The following SH3BP4 variants were observed in gnomAD, a reference collection of about 807,000 sequenced individuals.
SH3BP4 encodes the protein SH3 domain-binding protein 4.
SH3BP4 carries 33 observed loss-of-function variants against 65.5 expected under a neutral mutation model. That is an observed-to-expected ratio of 0.50 (90% CI 0.38 to 0.67). SH3BP4 has a LOEUF of 0.67. SH3BP4 is among the 30% of genes least tolerant of loss of function. The pLI is 0.00. For synonymous variants in SH3BP4, 552 were observed against 545.5 expected (o/e 1.01, Z -0.17); for missense variants, 1,134 against 1,261.4 (o/e 0.90, Z 1.53).
At chr2:235,038,323 A>ATATAC (rs1408951336) in intron 3 of SH3BP4, among the ~76,000 whole-genome samples, 107 of 5,652 alleles carry the variant, frequency 0.019, 5 homozygotes, top group African/African-American at 0.06. Context: ...TATATATTAT[A>ATATAC]TATATATTAT....
Position 235,055,081 on chromosome 2 carries a change from G to A in SH3BP4, c.*1265G>A, listed in dbSNP as rs1452166063. On this transcript the variant is annotated 3_prime_UTR_variant, in exon 6 of 6. Transcript: ENST00000392011. ...GTTGCATTAATAACTTTAGGGTGCA[G>A]ACATGCTGTGTGAATCTCACAATGC... is the stretch of plus-strand genomic sequence containing the variant. 6.6e-6 allele frequency: 1 copy of A among 152,218 alleles called. No individual in the cohort carries two copies. Among genetic ancestry groups the A allele is most frequent in the Non-Finnish European group, 1.5e-5 (1 of 68,042 alleles). 9.4% of individuals were successfully genotyped at this position (152,218 alleles called of 1,614,324 possible).
At position 235,042,936 on chromosome 2, in the gene SH3BP4, G is replaced by A. The variant is rs139990771; in HGVS notation, c.2167G>A (p.Gly723Ser). The A allele has an allele frequency of 3.1e-5, 50 of 1,612,954 alleles. No individual in the cohort carries two copies. The highest frequency in any genetic ancestry group is 8.0e-5 in the African/African-American group (6 of 74,934). The change falls in exon 4 of 6, where the codon GGC becomes AGC. Residue 723 changes from glycine (G) to serine (S), a missense_variant. Physicochemically the swap from Gly to Ser is moderately conservative, Grantham distance 56. Transcript: ENST00000392011. This position sits in a 1 kb window ranked among gnomAD's most constrained non-coding sequence, Gnocchi z 7.3. ...LVHTKNVLVV[G>S]RARPSLCSGP... ...GCACACCAAGAACGTGCTGGTGGTCGGCAGGGCCCGGCCCAGCCTGTGCTC... is the reference window on the plus strand; with the variant it reads ...GCACACCAAGAACGTGCTGGTGGTCAGCAGGGCCCGGCCCAGCCTGTGCTC...
intron 2 of SH3BP4, among the ~76,000 whole-genome samples, chr2:235,025,465 C>A (rs576207757): frequency 6.6e-6 from 1 of 152,284 alleles, no homozygotes; most frequent in African/African-American, 2.4e-5. Context: ...TGTGTATTTA[C>A]TGGTCCTGAA....
chr2:234,984,653 C>G (rs1161423099), intron 1 of SH3BP4, among the ~76,000 whole-genome samples: 1 of 152,156 alleles, frequency 6.6e-6, no homozygotes, highest in South Asian at 2.1e-4. Context: ...TTGACCAGAA[C>G]CGACTGAGTG....
chr2:235,015,056 C>T (rs938501247), intron 2 of SH3BP4, among the ~76,000 whole-genome samples: 2 of 152,196 alleles, frequency 1.3e-5, no homozygotes, highest in African/African-American at 4.8e-5. Context: ...AAATAAGGTG[C>T]AGTGAATATT....
At chr2:235,025,155 C>T (rs1463200918) in intron 2 of SH3BP4, among the ~76,000 whole-genome samples, 1 of 152,126 alleles carries the variant, frequency 6.6e-6, no homozygotes, top group Non-Finnish European at 1.5e-5. Context: ...CCCATTGCCA[C>T]AAATGTCTGC....
At position 234,956,327 on chromosome 2, in the gene SH3BP4, G is replaced by A. The variant is rs529356870; in HGVS notation, c.-207+4157G>A. ...AATGAGATTAAGATTATAGGAAGGC[G>A]GTTAAGTAAATGTACAATAAGGGTT... On this transcript the variant is annotated intron_variant, in intron 1 of 5. Coordinates refer to ENST00000392011, the MANE Select transcript of SH3BP4 (RefSeq NM_014521.3). 4.6e-5 allele frequency among the ~76,000 whole-genome samples: 7 copies of A among 152,226 alleles called. No individual in the cohort carries two copies. The East Asian group carries it at 1.2e-3, about 25-fold the overall frequency.
chr2:235,017,564 G>C (rs148657268), intron 2 of SH3BP4, among the ~76,000 whole-genome samples: 2 of 151,960 alleles, frequency 1.3e-5, no homozygotes, highest in African/African-American at 4.8e-5. Context: ...GGGTTATCTT[G>C]AGCTTTTGTG....
At chr2:235,009,625 C>T (rs974347860) in intron 2 of SH3BP4, among the ~76,000 whole-genome samples, 5 of 152,066 alleles carry the variant, frequency 3.3e-5, no homozygotes, top group Non-Finnish European at 7.4e-5. Flanking sequence ...GGTAACTGTT[C>T]TCTGGGGTCT....
At position 235,052,223 on chromosome 2, in the gene SH3BP4, G is replaced by T. The variant is rs1331923257; in HGVS notation, c.2479-339G>T. Among the ~76,000 whole-genome samples, 1 of 152,040 alleles carries T rather than the reference G, an allele frequency of 6.6e-6. No individual in the cohort carries two copies. The highest frequency in any genetic ancestry group is 2.1e-4 in the South Asian group (1 of 4,818). On this transcript the variant is annotated intron_variant, in intron 4 of 5. Coordinates refer to ENST00000392011, the MANE Select transcript of SH3BP4 (RefSeq NM_014521.3). This position sits in a 1 kb window ranked among gnomAD's most constrained non-coding sequence, Gnocchi z 5.0. ...CTCTCTGTCTGCTTTCTCTTCTTAT[G>T]AAGACGCCAGTCCTTGGTGACTTCC...
intron 1 of SH3BP4, among the ~76,000 whole-genome samples, chr2:234,961,923 A>G (rs1306467654): frequency 6.6e-6 from 1 of 151,744 alleles, no homozygotes; most frequent in Non-Finnish European, 1.5e-5. Context: ...TGATGAGGCT[A>G]CAGGTCCCCA....
At position 235,035,006 on chromosome 2, in the gene SH3BP4, G is replaced by T. The variant is rs779808206; in HGVS notation, c.4G>T (p.Ala2Ser). Reference protein sequence around the residue: MAAQRIRAANSN... With the variant: MSAQRIRAANSN... ...TACCCGGGAAGCGAGTTTCGAGATGGCGGCTCAGCGGATCCGAGCGGCCAA... is the reference window on the plus strand; with the variant it reads ...TACCCGGGAAGCGAGTTTCGAGATGTCGGCTCAGCGGATCCGAGCGGCCAA... Residue 2 changes from alanine (A) to serine (S), a missense_variant, in exon 3 of 6, where the codon GCG (alanine) becomes TCG (serine). By Grantham distance (99) the Ala-to-Ser change is moderately conservative. Coordinates refer to ENST00000392011, the MANE Select transcript of SH3BP4 (RefSeq NM_014521.3). This position sits in a 1 kb window ranked among gnomAD's most constrained non-coding sequence, Gnocchi z 5.0. 1 of 1,613,742 alleles carries T rather than the reference G, an allele frequency of 6.2e-7. No individual in the cohort carries two copies. Among genetic ancestry groups the T allele is most frequent in the Non-Finnish European group, 8.5e-7 (1 of 1,179,738 alleles).
chr2:235,053,891 G>A lies in SH3BP4; in HGVS notation c.*75G>A, dbSNP rs973762906. 2.5e-6 allele frequency: 3 copies of A among 1,223,434 alleles called. No individual in the cohort carries two copies. In the African/African-American group the frequency reaches 4.5e-5, roughly 18 times the overall value. 75.8% of individuals were successfully genotyped at this position (1,223,434 alleles called of 1,614,324 possible). A position where few individuals can be genotyped will look rare whatever the true frequency, so the allele number is the denominator to read the frequency against. The stretch of plus-strand genomic sequence containing the variant: ...CTGCGTGCCCTGCTGTCACCGCGGA[G>A]CTGAAGAGGGAGGAAGGGGCGGCTG... On this transcript the variant is annotated 3_prime_UTR_variant, in exon 6 of 6. Transcript: ENST00000392011.
intron 2 of SH3BP4, among the ~76,000 whole-genome samples, chr2:235,008,881 G>A (rs138235576): frequency 2.2e-4 from 33 of 152,308 alleles, no homozygotes; most frequent in African/African-American, 7.7e-4. Context: ...GGAGCAGCTG[G>A]CTGCTGCCTG....
chr2:235,041,065 C>T lies in SH3BP4; in HGVS notation c.296C>T (p.Thr99Ile). Residue 99 changes from threonine (T) to isoleucine (I), a missense_variant, in exon 4 of 6, where the codon ACC becomes ATC. Physicochemically the swap from Thr to Ile is moderately conservative, Grantham distance 89 (BLOSUM62 -1). Coordinates refer to ENST00000392011, the MANE Select transcript of SH3BP4 (RefSeq NM_014521.3). The surrounding 1 kb of genome is among the most constrained non-coding windows in gnomAD (Gnocchi z 6.0). ...GGEWWYAHNTTEMGYIPSSYV... is the reference protein window; with the variant it reads ...GGEWWYAHNTIEMGYIPSSYV... ...GAGTGGTGGTACGCACACAACACCA[C>T]CGAAATGGGCTACATCCCCTCCTCC... 7 of 1,614,150 alleles carry T rather than the reference C, an allele frequency of 4.3e-6. No individual in the cohort carries two copies. The highest frequency in any genetic ancestry group is 1.1e-5 in the South Asian group (1 of 91,082).
chr2:235,012,528 C>T lies in SH3BP4; in HGVS notation c.-133+17152C>T, dbSNP rs572756829. 5.3e-5 allele frequency among the ~76,000 whole-genome samples: 8 copies of T among 152,304 alleles called. No homozygotes were observed. In the South Asian group the frequency reaches 1.2e-3, roughly 24 times the overall value. Reference sequence around the variant, plus strand: ...GAGTGGGGACAATAACCAGCCGCACCGCAAGGGAGGGCTCTTCCTTTTACT... The same window carrying T: ...GAGTGGGGACAATAACCAGCCGCACTGCAAGGGAGGGCTCTTCCTTTTACT... On this transcript the variant is annotated intron_variant, in intron 2 of 5. Transcript: ENST00000392011.
At chr2:235,053,260 G>C (rs1412137824) in intron 5 of SH3BP4, among the ~76,000 whole-genome samples, 7 of 152,196 alleles carry the variant, frequency 4.6e-5, no homozygotes, top group African/African-American at 1.7e-4. Context: ...AAGTCCCAAG[G>C]ACAAAGCTGT....
At chr2:235,013,905 A>G (rs1381827760) in intron 2 of SH3BP4, among the ~76,000 whole-genome samples, 5 of 152,166 alleles carry the variant, frequency 3.3e-5, no homozygotes, top group Non-Finnish European at 7.3e-5. Flanking sequence ...CAGCTATAAA[A>G]CAGAATGATA....
chr2:235,014,889 A>G (rs1694639333), intron 2 of SH3BP4, among the ~76,000 whole-genome samples: 1 of 152,242 alleles, frequency 6.6e-6, no homozygotes, highest in Non-Finnish European at 1.5e-5. Context: ...TAGAAGGGAC[A>G]AAGTGTAATA....
Sources: allele counts gnomAD v4.1 joint callset (sites outside exome capture counted in the v4.1 genomes callset), GRCh38; gene constraint gnomAD v4.1.1; non-coding constraint Gnocchi (gnomAD v3.1); transcripts MANE v1.5; gene names NCBI Gene and HGNC (gene_info 2026-07-23, HGNC 2026-07-21).